Variants in GALK1 observed in about 807,000 individuals in gnomAD.
GALK1 encodes galactokinase.
A neutral mutation model predicts 38.6 loss-of-function variants in GALK1; 30 were observed. The ratio of observed to expected loss-of-function variants is 0.78; its 90% CI spans 0.58 to 1.05. The LOEUF (loss-of-function observed/expected upper bound fraction) is 1.05. GALK1 is among the 50% of genes least tolerant of loss of function. The pLI is 0.00. For synonymous variants in GALK1, 240 were observed against 233.6 expected (o/e 1.03, Z -0.25); for missense variants, 512 against 540.5 (o/e 0.95, Z 0.52).
Position 75,763,088 on chromosome 17 carries a change from C to T in GALK1, c.537G>A (p.Gly179=), listed in dbSNP as rs2143602754. The change falls in exon 4 of 8, where the codon GGG becomes GGA. Residue 179 remains glycine, a synonymous_variant. Coordinates refer to ENST00000588479, the MANE Select transcript of GALK1 (RefSeq NM_000154.2). ...VCQQAEHSFA[G]MPCGIMDQFI... is the part of the protein sequence containing the mutation. The stretch of plus-strand genomic sequence containing the variant: ...ACTGGTCCATGATGCCACAGGGCAT[C>T]CCTGCGAAGCTGTGCTCGGCCTGCT... 6.2e-7 allele frequency: 1 copy of T among 1,612,792 alleles called. No homozygotes were observed. The highest frequency in any genetic ancestry group is 1.1e-5 in the South Asian group (1 of 91,084).
chr17:75,757,883 G>A, downstream of GALK1: 2 of 781,930 alleles, frequency 2.6e-6, no homozygotes, highest in Non-Finnish European at 4.2e-6. Flanking sequence ...GAGCGGTTCT[G>A]ACATCCCCCA....
At chr17:75,756,969 G>A, downstream of GALK1, 1 of 1,612,754 alleles carries the variant, frequency 6.2e-7, no homozygotes, top group Non-Finnish European at 8.5e-7. Flanking sequence ...CCGGGTGGAT[G>A]GAGACAGCCC....
In GALK1 at chr17:75,758,053, G is replaced by A. The variant is rs750536223; in HGVS notation, c.*3C>T. On this transcript the variant is annotated 3_prime_UTR_variant, in exon 8 of 8. Transcript: ENST00000588479. ...CCTCACCGTGTGCTGTCCTGGGGGT[G>A]CCTCACAAGCACAGCACCTTGGCTC... 2.5e-6 allele frequency: 4 copies of A among 1,612,628 alleles called. No individual in the cohort carries two copies. The highest frequency in any genetic ancestry group is 3.4e-6 in the Non-Finnish European group (4 of 1,179,968).
downstream of GALK1, chr17:75,757,094 G>GTACC (rs767191560): frequency 6.2e-7 from 1 of 1,612,932 alleles, no homozygotes; most frequent in Non-Finnish European, 8.5e-7. Flanking sequence ...TCACCATAGA[G>GTACC]TCCCAGGATG....
At chr17:75,764,759 G>A (rs1218970248) in intron 1 of GALK1, 5 of 634,552 alleles carry the variant, frequency 7.9e-6, no homozygotes, top group Non-Finnish European at 1.4e-5. Flanking sequence ...AGAGGCGGCC[G>A]CGCACCCTCT....
At chr17:75,760,925 C>G (rs916055857) in intron 5 of GALK1, among the ~76,000 whole-genome samples, 3 of 152,048 alleles carry the variant, frequency 2.0e-5, no homozygotes, top group African/African-American at 7.2e-5. Flanking sequence ...AAAAGATGGC[C>G]AGGCACAGTG....
chr17:75,763,286 G>A (rs758398846), intron 3 of GALK1, 34 bp downstream of exon 3: 9 of 1,613,840 alleles, frequency 5.6e-6, no homozygotes, highest in East Asian at 4.5e-5. Flanking sequence ...CTCAGGGAAG[G>A]AGGGCTGGGT....
Position 75,762,693 on chromosome 17 carries a change from G to A in GALK1, c.793+11C>T. 6.2e-7 allele frequency: 1 copy of A among 1,613,464 alleles called. No homozygotes were observed. Among genetic ancestry groups the A allele is most frequent in the Non-Finnish European group, 8.5e-7 (1 of 1,179,920 alleles). ...GCCGCCTCCAGGATAGAGCACCCTG[G>A]CAGTTCTCACCCTCTAGCTCTTCCA... On this transcript the variant is annotated intron_variant, in intron 5 of 7. Coordinates refer to ENST00000588479, the MANE Select transcript of GALK1 (RefSeq NM_000154.2).
chr17:75,763,406 A>G lies in GALK1; in HGVS notation c.389T>C (p.Val130Ala). ...APLPGFSAVV[V>A]SSVPLGGGLS... ...GCCACCCCCCAGGGGCACTGAGCTG[A>G]CCACCACTGCACTGAAGCCAGGGAG... The change falls in exon 3 of 8, where the codon GTC (valine) becomes GCC (alanine). Residue 130 changes from valine to alanine, a missense_variant. Physicochemically the swap from Val to Ala is moderately conservative, Grantham distance 64. Coordinates refer to ENST00000588479, the MANE Select transcript of GALK1 (RefSeq NM_000154.2). 6.2e-7 allele frequency: 1 copy of G among 1,611,276 alleles called. No homozygotes were observed. The highest frequency in any genetic ancestry group is 1.3e-5 in the African/African-American group (1 of 74,932).
Position 75,758,484 on chromosome 17 carries a change from A to G in GALK1, c.909T>C (p.Phe303=), listed in dbSNP as rs1337504590. The G allele has an allele frequency of 1.9e-6, 3 of 1,577,856 alleles. 1 individual carries two copies. The highest frequency in any genetic ancestry group is 8.6e-7 in the Non-Finnish European group (1 of 1,164,266). Residue 303 remains phenylalanine (F), a synonymous_variant, in exon 6 of 8, where the codon TTT becomes TTC. Transcript: ENST00000588479. The part of the protein sequence containing the change: ...AALRRGDYRA[F]GRLMVESHRS... Reference sequence around the variant, plus strand: ...GGTGGCTCTCCACCATGAGGCGGCCAAAGGCTCTGTAGTCGCCACGTCTCA... The same window carrying G: ...GGTGGCTCTCCACCATGAGGCGGCCGAAGGCTCTGTAGTCGCCACGTCTCA...
At chr17:75,754,795 T>C, downstream of GALK1, 1 of 1,614,026 alleles carries the variant, frequency 6.2e-7, no homozygotes, top group South Asian at 1.1e-5. Context: ...TACTCCACCC[T>C]CACCTCCGTC....
At chr17:75,755,762 GC>G, downstream of GALK1, 1 of 1,612,770 alleles carries the variant, frequency 6.2e-7, no homozygotes, top group Non-Finnish European at 8.5e-7. Context: ...CTGCCCTGGG[GC>G]CCACATCTCT....
downstream of GALK1, chr17:75,753,883 C>G (rs2061425945): frequency 2.3e-6 from 3 of 1,318,850 alleles, no homozygotes; most frequent in Non-Finnish European, 2.9e-6. Flanking sequence ...GCTCCTCCGA[C>G]GCCGAGGCGC....
intron 5 of GALK1, 125 bp from the exon 6 acceptor site, chr17:75,758,724 C>T (rs558651713): frequency 1.2e-5 from 15 of 1,221,200 alleles, no homozygotes; most frequent in East Asian, 2.6e-5. Flanking sequence ...GCCGCGGGGG[C>T]AGGGCAGCCT....
intron 1 of GALK1, chr17:75,764,332 G>A (rs1476760430): frequency 2.7e-6 from 2 of 740,616 alleles, no homozygotes; most frequent in Non-Finnish European, 5.0e-6. Flanking sequence ...TGAGCTGTGG[G>A]GCAAGGGGGA....
intron 5 of GALK1, among the ~76,000 whole-genome samples, chr17:75,762,281 C>T (rs1209424475): frequency 6.6e-6 from 1 of 151,632 alleles, no homozygotes; most frequent in Admixed American, 6.6e-5. Flanking sequence ...CACACCACTA[C>T]ACTCCAGCTT....
At position 75,765,014 on chromosome 17, in the gene GALK1, G is replaced by A; in HGVS notation, c.123C>T (p.Ile41=). Residue 41 remains isoleucine (I), a synonymous_variant, in exon 1 of 8, where the codon ATC becomes ATT. Coordinates refer to ENST00000588479, the MANE Select transcript of GALK1 (RefSeq NM_000154.2). ...CCTGGTTGTAGTCCGTGTGTTCCCC[G>A]ATGAGGTTGACGCGGCCCGGCGCTG... ...AVSAPGRVNL[I]GEHTDYNQGL... is the part of the protein sequence containing the mutation. 6.2e-7 allele frequency: 1 copy of A among 1,610,852 alleles called. No homozygotes were observed. The highest frequency in any genetic ancestry group is 8.5e-7 in the Non-Finnish European group (1 of 1,178,894).
chr17:75,752,059 T>C, intron 8 of GALK1: 1 of 1,173,680 alleles, frequency 8.5e-7, no homozygotes, highest in South Asian at 1.2e-5. Flanking sequence ...TTTGCCTTGC[T>C]TCCCCAGCCC....
downstream of GALK1, chr17:75,756,657 GC>G (rs1599322956): frequency 6.2e-7 from 1 of 1,612,102 alleles, no homozygotes; most frequent in East Asian, 2.2e-5. Flanking sequence ...CCCCCATCAT[GC>G]CCACCACCCA....
Sources: allele counts gnomAD v4.1 joint callset (sites outside exome capture counted in the v4.1 genomes callset), GRCh38; gene constraint gnomAD v4.1.1; transcripts MANE v1.5; gene names NCBI Gene and HGNC (gene_info 2026-07-23, HGNC 2026-07-21).